Variants in CACNB2 observed in about 807,000 individuals in gnomAD.
CACNB2 encodes voltage-dependent L-type calcium channel subunit beta-2.
A neutral mutation model predicts 73.3 loss-of-function variants in CACNB2; 42 were observed. The ratio of observed to expected loss-of-function variants is 0.57; its 90% CI spans 0.45 to 0.74. The LOEUF (loss-of-function observed/expected upper bound fraction) is 0.74, where lower values mean the gene tolerates loss of function less well. CACNB2 is among the 30% of genes least tolerant of loss of function. The pLI is 0.00. For synonymous variants in CACNB2, 348 were observed against 310.3 expected, an observed-to-expected ratio of 1.12 and a Z score of -1.28; for missense variants, 940 against 853.0, an observed-to-expected ratio of 1.10 and a Z score of -1.27.
chr10:18,487,050 C>T (rs186924274), intron 3 of CACNB2, among the ~76,000 whole-genome samples: 3 of 152,268 alleles, frequency 2.0e-5, no homozygotes, highest in East Asian at 3.9e-4. Flanking sequence ...CTTGAGAAGG[C>T]GCTGTCTGCT....
intron 3 of CACNB2, among the ~76,000 whole-genome samples, chr10:18,468,826 A>T (rs948958954): frequency 6.6e-6 from 1 of 152,050 alleles, no homozygotes; most frequent in African/African-American, 2.4e-5. Flanking sequence ...CTCAAACTCC[A>T]GATCTCAGGT....
At chr10:18,308,695 C>T (rs1279899314) in intron 2 of CACNB2, among the ~76,000 whole-genome samples, 4 of 152,180 alleles carry the variant, frequency 2.6e-5, no homozygotes, top group African/African-American at 7.2e-5. Context: ...AGGTTGGATA[C>T]GCATCAGCCT....
chr10:18,538,345 A>G lies in CACNB2; in HGVS notation c.1468A>G (p.Thr490Ala), dbSNP rs575188082. 6.2e-7 allele frequency: 1 copy of G among 1,612,640 alleles called. No individual in the cohort carries two copies. Among genetic ancestry groups the G allele is most frequent in the Admixed American group, 1.7e-5 (1 of 59,940 alleles). The change falls in exon 13 of 14, where the codon ACC becomes GCC. Residue 490 changes from threonine (T) to alanine (A), a missense_variant. Coordinates refer to ENST00000324631, the MANE Select transcript of CACNB2 (RefSeq NM_201596.3). ...LATSSLPLSP[T>A]LASNSQGSQG... is the part of the protein sequence containing the mutation. ...CACTTCAAGTCTGCCTCTTAGCCCC[A>G]CCCTAGCCTCTAATTCACAGGTAAG... is the stretch of plus-strand genomic sequence containing the variant.
intron 3 of CACNB2, among the ~76,000 whole-genome samples, chr10:18,455,039 T>TAAAAAAAA (rs56167015): frequency 7.3e-6 from 1 of 137,818 alleles, no homozygotes. Context: ...CCCAATCTCT[T>TAAAAAAAA]AAAAAAAAAA....
chr10:18,392,747 A>G (rs1047583097), intron 2 of CACNB2, among the ~76,000 whole-genome samples: 3 of 152,118 alleles, frequency 2.0e-5, no homozygotes, highest in Admixed American at 2.0e-4. Flanking sequence ...AATTCCCTAC[A>G]TACAATTTAT....
intron 2 of CACNB2, among the ~76,000 whole-genome samples, chr10:18,283,880 G>C (rs968833354): frequency 6.6e-6 from 1 of 152,032 alleles, no homozygotes; most frequent in Admixed American, 6.6e-5. Context: ...AGTAGATATA[G>C]CTCCCCTGAA....
chr10:18,261,186 G>A (rs1227680501), intron 2 of CACNB2: 1 of 1,548,934 alleles, frequency 6.5e-7, no homozygotes, highest in Non-Finnish European at 8.7e-7. Flanking sequence ...AAGGTGGGAA[G>A]AAATGGACCG....
chr10:18,482,221 T>C (rs974964373), intron 3 of CACNB2, among the ~76,000 whole-genome samples: 3 of 152,186 alleles, frequency 2.0e-5, no homozygotes, highest in African/African-American at 7.2e-5. Context: ...CTAACTGAGA[T>C]ATATTTAAGC....
At chr10:18,327,447 C>T (rs570951981) in intron 2 of CACNB2, among the ~76,000 whole-genome samples, 103 of 152,214 alleles carry the variant, frequency 6.8e-4, no homozygotes, top group Non-Finnish European at 1.1e-3. Context: ...TGTTTTGAGA[C>T]GGAGTCTCCC....
intron 3 of CACNB2, among the ~76,000 whole-genome samples, chr10:18,472,318 C>T (rs1031453230): frequency 5.5e-5 from 8 of 144,238 alleles, no homozygotes; most frequent in Admixed American, 1.5e-4. Context: ...CTCACTGCAA[C>T]CTCTACCTCC....
intron 2 of CACNB2, among the ~76,000 whole-genome samples, chr10:18,307,982 A>ATTTTTTTTTTTTTTTTTTT (rs1564423318): frequency 1.9e-5 from 1 of 52,668 alleles, no homozygotes; most frequent in African/African-American, 9.1e-5. Context: ...ATATATGCCA[A>ATTTTTTTTTTTTTTTTTTT]CTTTTTTTTT....
chr10:18,432,511 A>C (rs970911221), intron 3 of CACNB2, among the ~76,000 whole-genome samples: 2 of 152,042 alleles, frequency 1.3e-5, no homozygotes, highest in African/African-American at 4.8e-5. Flanking sequence ...TACTACTGTT[A>C]AAAACAAAAA....
chr10:18,389,840 T>C lies in CACNB2; in HGVS notation c.214-12084T>C, dbSNP rs183837217. ...ATTGGTTTAATGATGGAAAATGGTA[T>C]TGTGTTTAATTTAATGAGGTTGAAC... On this transcript the variant is annotated intron_variant, in intron 2 of 13. Coordinates refer to ENST00000324631, the MANE Select transcript of CACNB2 (RefSeq NM_201596.3). 1.4e-4 allele frequency among the ~76,000 whole-genome samples: 22 copies of C among 152,324 alleles called. No individual in the cohort carries two copies. The East Asian group carries it at 4.1e-3, about 28-fold the overall frequency.
chr10:18,428,598 A>T (rs750991093), intron 3 of CACNB2, among the ~76,000 whole-genome samples: 3 of 152,042 alleles, frequency 2.0e-5, no homozygotes, highest in South Asian at 4.2e-4. Flanking sequence ...AGGTATGAGA[A>T]TCGCTTGAAT....
At chr10:18,226,278 C>T (rs1167246575) in intron 2 of CACNB2, among the ~76,000 whole-genome samples, 1 of 152,158 alleles carries the variant, frequency 6.6e-6, no homozygotes, top group Non-Finnish European at 1.5e-5. Flanking sequence ...CCATTCACCT[C>T]AGCCTCCCAG....
At chr10:18,482,755 G>A (rs146807437) in intron 3 of CACNB2, among the ~76,000 whole-genome samples, 3 of 151,918 alleles carry the variant, frequency 2.0e-5, no homozygotes, top group Non-Finnish European at 4.4e-5. Flanking sequence ...CAGGTGATCC[G>A]CCCACCTCAC....
At chr10:18,515,064 T>C (rs767285799) in intron 7 of CACNB2, 14 of 1,578,644 alleles carry the variant, frequency 8.9e-6, no homozygotes, top group Admixed American at 1.7e-5. Context: ...TATTGTCATA[T>C]ATAAATATTC....
intron 1 of CACNB2, among the ~76,000 whole-genome samples, chr10:18,148,062 A>G (rs1056697215): frequency 3.3e-5 from 5 of 151,534 alleles, no homozygotes; most frequent in African/African-American, 9.7e-5. Context: ...ATAACAAAAT[A>G]ACTGGTCAGT....
intron 1 of CACNB2, among the ~76,000 whole-genome samples, chr10:18,142,224 A>G (rs2030489182): frequency 6.6e-6 from 1 of 152,226 alleles, no homozygotes; most frequent in African/African-American, 2.4e-5. Flanking sequence ...ATTCACTTTG[A>G]CTTGAGAAGG....
Sources: allele counts gnomAD v4.1 joint callset (sites outside exome capture counted in the v4.1 genomes callset), GRCh38; gene constraint gnomAD v4.1.1; transcripts MANE v1.5; gene names NCBI Gene and HGNC (gene_info 2026-07-23, HGNC 2026-07-21).